ZNF292: variants seen among roughly 807,000 people sequenced by gnomAD.
ZNF292 encodes the protein 16 zinc-finger domain protein.
A neutral mutation model predicts 217.9 loss-of-function variants in ZNF292; 26 were observed. The observed-to-expected ratio is 0.12, with a 90% CI of 0.09 to 0.17. The LOEUF (loss-of-function observed/expected upper bound fraction) is 0.17. Ranked by LOEUF, ZNF292 falls within the 10% of genes least tolerant of loss-of-function variation. The pLI, the probability that ZNF292 is intolerant of heterozygous loss-of-function variation, is 1.00. For missense variants in ZNF292, 2,904 were observed against 3,175.2 expected (o/e 0.91, Z 2.05); for synonymous variants, 1,257 against 1,124.1 (o/e 1.12, Z -2.37).
intron 7 of ZNF292, among the ~76,000 whole-genome samples, chr6:87,251,609 G>A (rs1582505827): frequency 6.6e-6 from 1 of 152,170 alleles, no homozygotes; most frequent in African/African-American, 2.4e-5. Flanking sequence ...GTGATTAACT[G>A]TTATGAATTA....
chr6:87,228,054 C>T (rs1257752379), intron 4 of ZNF292, among the ~76,000 whole-genome samples: 2 of 152,126 alleles, frequency 1.3e-5, no homozygotes, highest in African/African-American at 2.4e-5. Flanking sequence ...TTTTACAGTC[C>T]TAACAGTATT....
intron 1 of ZNF292, among the ~76,000 whole-genome samples, chr6:87,208,272 G>A (rs901184300): frequency 6.6e-6 from 1 of 151,658 alleles, no homozygotes; most frequent in Non-Finnish European, 1.5e-5. Context: ...ACATTCAGTG[G>A]GTCTTTTCAT....
At position 87,220,753 on chromosome 6, in the gene ZNF292, C is replaced by T. The variant is rs192929579; in HGVS notation, c.538+2022C>T. Among the ~76,000 whole-genome samples the T allele has an allele frequency of 8.5e-5, 13 of 152,254 alleles. No homozygotes were observed. In the East Asian group the frequency reaches 2.3e-3, roughly 27 times the overall value. ...TGTATCTGTTAACCAATGTCTCTGCCCATCTCTGTGCTGCTTTATTTCTTG... is the reference window on the plus strand; with the variant it reads ...TGTATCTGTTAACCAATGTCTCTGCTCATCTCTGTGCTGCTTTATTTCTTG... On this transcript the variant is annotated intron_variant, in intron 4 of 7. Coordinates refer to ENST00000369577, the MANE Select transcript of ZNF292 (RefSeq NM_015021.3).
At chr6:87,190,532 G>C (rs930521106) in intron 1 of ZNF292, among the ~76,000 whole-genome samples, 2 of 152,048 alleles carry the variant, frequency 1.3e-5, no homozygotes, top group Non-Finnish European at 2.9e-5. Flanking sequence ...GGAGTGCAGT[G>C]GCGCAATCTT....
intron 5 of ZNF292, among the ~76,000 whole-genome samples, chr6:87,238,368 C>T (rs1405332900): frequency 6.6e-6 from 1 of 151,854 alleles, no homozygotes; most frequent in African/African-American, 2.4e-5. Flanking sequence ...AGCCTGTAAT[C>T]CCAGCTACTC....
intron 5 of ZNF292, 142 bp from the exon 6 acceptor site, chr6:87,243,333 T>G (rs1295965192): frequency 2.2e-5 from 13 of 602,318 alleles, no homozygotes; most frequent in Non-Finnish European, 2.9e-5. Context: ...AATGACAAAT[T>G]ATAACTGACT....
intron 1 of ZNF292, among the ~76,000 whole-genome samples, chr6:87,187,902 C>T (rs1211848620): frequency 6.6e-6 from 1 of 152,032 alleles, no homozygotes; most frequent in East Asian, 1.9e-4. Flanking sequence ...AACAAGAGAG[C>T]TCTTACCCTA....
chr6:87,176,078 G>T (rs968302854), intron 1 of ZNF292, among the ~76,000 whole-genome samples: 3 of 152,144 alleles, frequency 2.0e-5, no homozygotes, highest in Non-Finnish European at 2.9e-5. Context: ...TGGTGGGGGG[G>T]GCTTTCCCTC....
intron 1 of ZNF292, among the ~76,000 whole-genome samples, chr6:87,185,885 C>A (rs186102152): frequency 8.5e-4 from 129 of 152,278 alleles, no homozygotes; most frequent in Non-Finnish European, 1.4e-3. Flanking sequence ...GGGAAAGGGG[C>A]TCAGGGACCT....
At chr6:87,242,680 A>T (rs937438249) in intron 5 of ZNF292, among the ~76,000 whole-genome samples, 2 of 152,204 alleles carry the variant, frequency 1.3e-5, no homozygotes, top group African/African-American at 4.8e-5. Flanking sequence ...TTGTGATTGT[A>T]TGCTGTTTGT....
chr6:87,220,293 A>T (rs1773020464), intron 4 of ZNF292, among the ~76,000 whole-genome samples: 1 of 152,222 alleles, frequency 6.6e-6, no homozygotes, highest in Non-Finnish European at 1.5e-5. Flanking sequence ...TAGTAATAAT[A>T]TCAAATTACA....
chr6:87,161,497 A>C (rs1482439772), intron 1 of ZNF292, among the ~76,000 whole-genome samples: 1 of 152,228 alleles, frequency 6.6e-6, no homozygotes, highest in Non-Finnish European at 1.5e-5. Context: ...GTCACGGCTC[A>C]CTGCATCCTT....
At chr6:87,252,358 G>T (rs1045275309) in intron 7 of ZNF292, among the ~76,000 whole-genome samples, 6 of 152,070 alleles carry the variant, frequency 3.9e-5, no homozygotes, top group African/African-American at 1.4e-4. Context: ...TCATCATGTT[G>T]GCCAGGCTGG....
rs1195857136 is a variant in ZNF292 at position 87,230,657 on chromosome 6, C to T, written c.539-2668C>T. On this transcript the variant is annotated intron_variant, in intron 4 of 7. Transcript: ENST00000369577. ...GCTGAGGCAGGAGAATGGCATGAAC[C>T]CGGGAGGCAGAGCTTGCAGTGAGCC... Among the ~76,000 whole-genome samples, 11 of 151,802 alleles carry T rather than the reference C, an allele frequency of 7.2e-5. No homozygotes were observed. In the East Asian group the frequency reaches 2.1e-3, roughly 29 times the overall value.
At chr6:87,165,039 A>G (rs948051218) in intron 1 of ZNF292, among the ~76,000 whole-genome samples, 1 of 151,800 alleles carries the variant, frequency 6.6e-6, no homozygotes, top group South Asian at 2.1e-4. Flanking sequence ...CCGGGATTAC[A>G]GGCGTGAGCC....
At chr6:87,240,339 G>A (rs986290933) in intron 5 of ZNF292, among the ~76,000 whole-genome samples, 1 of 148,324 alleles carries the variant, frequency 6.7e-6, no homozygotes, top group African/African-American at 2.5e-5. Context: ...GAGGGAGACC[G>A]TGGAAAGAGA....
rs137864654 is a variant in ZNF292, at chr6:87,205,516, T to C, written c.169-10387T>C. On this transcript the variant is annotated intron_variant, in intron 1 of 7. Transcript: ENST00000369577. Reference sequence around the variant, plus strand: ...AAATGTTAGAACATTTTAGTAATGTTCTAACCATTCCCATTTTATTCAGAT... The same window carrying C: ...AAATGTTAGAACATTTTAGTAATGTCCTAACCATTCCCATTTTATTCAGAT... Among the ~76,000 whole-genome samples the C allele has an allele frequency of 3.4e-3, 513 of 152,286 alleles. 1 individual carries two copies. Among genetic ancestry groups the C allele is most frequent in the African/African-American group, 0.012 (492 of 41,568 alleles).
chr6:87,231,701 A>G (rs6933046), intron 4 of ZNF292, among the ~76,000 whole-genome samples: 81,415 of 151,996 alleles, frequency 0.54, 22,236 homozygotes, highest in Admixed American at 0.62. Context: ...TGCAGGGCCT[A>G]TTTGAGATTG....
intron 1 of ZNF292, among the ~76,000 whole-genome samples, chr6:87,199,014 T>C (rs987486410): frequency 1.3e-5 from 2 of 152,230 alleles, no homozygotes; most frequent in Non-Finnish European, 2.9e-5. Context: ...TATATTCGTT[T>C]TGGGTGGATT....
Sources: allele counts gnomAD v4.1 joint callset (sites outside exome capture counted in the v4.1 genomes callset), GRCh38; gene constraint gnomAD v4.1.1; transcripts MANE v1.5; gene names NCBI Gene and HGNC (gene_info 2026-07-23, HGNC 2026-07-21).